The following MAP3K2 variants were observed in gnomAD, a reference collection of about 807,000 sequenced individuals.
MAP3K2 encodes the protein mitogen-activated protein kinase kinase kinase 2.
Under a neutral mutation model 80.3 loss-of-function variants are expected in MAP3K2, and 24 were observed. The observed-to-expected ratio is 0.30, with a 90% CI of 0.22 to 0.42. The LOEUF is 0.42. Ranked by LOEUF, MAP3K2 falls within the 10% of genes least tolerant of loss-of-function variation. The probability of loss-of-function intolerance (pLI) is 1.00; values close to 1 mark genes in which losing one functional copy is unlikely to be tolerated. For synonymous variants in MAP3K2, 244 were observed against 253.7 expected (o/e 0.96, Z 0.36); for missense variants, 608 against 750.1 (o/e 0.81, Z 2.21).
In MAP3K2 at chr2:127,323,956, C is replaced by T; in HGVS notation, c.784G>A (p.Gly262Arg). ...NPIFEKFGKG[G>R]TYPRRYHVSY... ...ACATGATACCTTCTTGGATATGTTC[C>T]TCCTTTTCCAAATTTCTCAAAGATA... Residue 262 changes from glycine to arginine, a missense_variant, in exon 11 of 17, where the codon GGA becomes AGA. Physicochemically the swap from Gly to Arg is moderately radical, Grantham distance 125 (BLOSUM62 -2). Transcript: ENST00000682094. The T allele has an allele frequency of 3.2e-6, 5 of 1,566,718 alleles. No individual in the cohort carries two copies. The highest frequency in any genetic ancestry group is 3.5e-6 in the Non-Finnish European group (4 of 1,149,182).
At chr2:127,327,565 CAA>C (rs35285745) in intron 7 of MAP3K2, among the ~76,000 whole-genome samples, 15 of 130,176 alleles carry the variant, frequency 1.2e-4, no homozygotes, top group Admixed American at 2.4e-4. Context: ...GAGATAGGAC[CAA>C]AAAAAAAAAA....
chr2:127,339,976 A>G lies in MAP3K2; in HGVS notation c.5-926T>C, dbSNP rs1686445049. On this transcript the variant is annotated intron_variant, in intron 2 of 16. Coordinates refer to ENST00000682094, the MANE Select transcript of MAP3K2 (RefSeq NM_001371910.2). This position sits in a 1 kb window ranked among gnomAD's most constrained non-coding sequence, Gnocchi z 4.2. ...AAAATTAAAACATGCCATATCCTGTATGGGAAATCACTAAAAATATTCCAA... is the reference window on the plus strand; with the variant it reads ...AAAATTAAAACATGCCATATCCTGTGTGGGAAATCACTAAAAATATTCCAA... Among the ~76,000 whole-genome samples the G allele has an allele frequency of 2.6e-5, 4 of 152,226 alleles. No individual in the cohort carries two copies. In the South Asian group the frequency reaches 8.3e-4, roughly 32 times the overall value.
chr2:127,325,568 GTCCTAGT>G (rs1276663325), intron 9 of MAP3K2, among the ~76,000 whole-genome samples, 153 bp downstream of exon 9: 1 of 152,088 alleles, frequency 6.6e-6, no homozygotes, highest in Non-Finnish European at 1.5e-5. Context: ...AATGCCTTTG[GTCCTAGT>G]TCCTCGGGGG....
chr2:127,324,109 C>T (rs904858198), intron 10 of MAP3K2, 65 bp downstream of exon 10: 1 of 1,184,154 alleles, frequency 8.4e-7, no homozygotes, highest in African/African-American at 1.6e-5. Flanking sequence ...CCCCCCTCTC[C>T]CTCCCAGCCA....
intron 1 of MAP3K2, among the ~76,000 whole-genome samples, chr2:127,376,293 C>T (rs982954005): frequency 3.3e-5 from 3 of 91,504 alleles, no homozygotes; most frequent in African/African-American, 8.8e-5. Flanking sequence ...TAATCATCCA[C>T]GTGCAGGACT....
At chr2:127,332,184 C>T (rs893487981) in intron 5 of MAP3K2, among the ~76,000 whole-genome samples, 2 of 152,120 alleles carry the variant, frequency 1.3e-5, no homozygotes, top group African/African-American at 4.8e-5. Flanking sequence ...TATTTCCCAC[C>T]AATTATGAAA....
chr2:127,381,846 G>A (rs1225191127), intron 1 of MAP3K2, among the ~76,000 whole-genome samples: 1 of 150,594 alleles, frequency 6.6e-6, no homozygotes, highest in Non-Finnish European at 1.5e-5. Context: ...AAAACTAATC[G>A]ACCCTTTAAA....
intron 1 of MAP3K2, among the ~76,000 whole-genome samples, chr2:127,384,372 C>A (rs1232729368): frequency 6.6e-6 from 1 of 152,092 alleles, no homozygotes; most frequent in East Asian, 1.9e-4. Context: ...AGACAGTGAT[C>A]AGATTCTTCT....
intron 1 of MAP3K2, among the ~76,000 whole-genome samples, chr2:127,354,239 TAAAAA>T (rs56904810): frequency 1.8e-5 from 2 of 113,708 alleles, no homozygotes; most frequent in Non-Finnish European, 3.4e-5. Context: ...GAATGATCAA[TAAAAA>T]AAAAAAAAGA....
intron 14 of MAP3K2, chr2:127,316,759 A>G (rs917993998): frequency 6.6e-6 from 1 of 152,246 alleles, no homozygotes; most frequent in African/African-American, 2.4e-5. Flanking sequence ...TAAAGTACAC[A>G]GCTTCATCTA....
chr2:127,323,721 G>T (rs1264053513), intron 11 of MAP3K2, among the ~76,000 whole-genome samples, 181 bp downstream of exon 11: 2 of 152,180 alleles, frequency 1.3e-5, no homozygotes, highest in African/African-American at 2.4e-5. Context: ...TCTTTTAAGG[G>T]ATAACCAAGT....
rs765765647 is a variant in MAP3K2, at chr2:127,330,019, G to T, written c.379-11C>A. On this transcript the variant is annotated splice_polypyrimidine_tract_variant and intron_variant, in intron 6 of 16. Transcript: ENST00000682094. ...TTCTAAATTAGTAGCCTACAAAGGA[G>T]AAAAGACAGTTAATGCTATTCTTCC... The T allele has an allele frequency of 6.7e-7, 1 of 1,493,030 alleles. No individual in the cohort carries two copies. Among genetic ancestry groups the T allele is most frequent in the African/African-American group, 1.4e-5 (1 of 72,602 alleles). The allele number at this position is 1,493,030 out of a possible 1,614,324, so 92.5% of individuals were successfully genotyped here. A position where few individuals can be genotyped will look rare whatever the true frequency, so the allele number is the denominator to read the frequency against.
intron 1 of MAP3K2, among the ~76,000 whole-genome samples, chr2:127,372,699 T>C (rs932078775): frequency 5.9e-5 from 9 of 152,140 alleles, no homozygotes; most frequent in Admixed American, 2.0e-4. Flanking sequence ...ATGGCCACAG[T>C]TATTCCTCCC....
intron 10 of MAP3K2, 32 bp from the exon 11 acceptor site, chr2:127,324,026 T>C: frequency 1.7e-6 from 2 of 1,197,306 alleles, no homozygotes; most frequent in Non-Finnish European, 2.3e-6. Context: ...TTATCTTTTA[T>C]TTAAAAAAAA....
chr2:127,375,644 G>A (rs951421457), intron 1 of MAP3K2, among the ~76,000 whole-genome samples: 79 of 152,056 alleles, frequency 5.2e-4, no homozygotes, highest in African/African-American at 1.6e-3. Context: ...TCTTGACCTC[G>A]TGATCCACCT....
chr2:127,370,429 A>G (rs1687043105), intron 1 of MAP3K2, among the ~76,000 whole-genome samples: 1 of 152,208 alleles, frequency 6.6e-6, no homozygotes. Flanking sequence ...CTTGAAAATG[A>G]AGGTGAAAAA....
chr2:127,327,537 A>G (rs946915895), intron 7 of MAP3K2, among the ~76,000 whole-genome samples: 1 of 151,568 alleles, frequency 6.6e-6, no homozygotes, highest in African/African-American at 2.4e-5. Flanking sequence ...AAAGATCAAT[A>G]TAGTCAATTA....
intron 1 of MAP3K2, among the ~76,000 whole-genome samples, chr2:127,361,143 C>T (rs1257805970): frequency 1.3e-5 from 2 of 151,872 alleles, no homozygotes; most frequent in African/African-American, 4.8e-5. Context: ...AAAACCCCGT[C>T]TCTACTAAAA....
intron 1 of MAP3K2, among the ~76,000 whole-genome samples, chr2:127,381,683 G>A (rs1687247812): frequency 6.6e-6 from 1 of 152,204 alleles, no homozygotes; most frequent in Admixed American, 6.5e-5. Context: ...GCTGACTGCA[G>A]TGAGAAAAAT....
Sources: gnomAD v4.1 joint callset for allele counts (sites outside exome capture counted in the v4.1 genomes callset) on GRCh38, gnomAD v4.1.1 for gene constraint, Gnocchi (gnomAD v3.1) non-coding constraint, MANE v1.5 for transcripts, NCBI Gene and HGNC (gene_info 2026-07-23, HGNC 2026-07-21) for gene names.